Variants in FLG observed in about 807,000 individuals in gnomAD.
The protein encoded by FLG is epidermal filaggrin.
A neutral mutation model predicts 3.8 loss-of-function variants in FLG; 6 were observed. The observed-to-expected ratio is 1.60, with a 90% CI of 0.87 to 3.15. The LOEUF is 3.15. Ranked by LOEUF, FLG falls within the 30% of genes most tolerant of loss-of-function variation. The pLI, the probability that FLG is intolerant of heterozygous loss-of-function variation, is 0.00. For synonymous variants in FLG, 2,551 were observed against 1,931.6 expected, an observed-to-expected ratio of 1.32 and a Z score of -8.41; for missense variants, 7,595 against 5,050.9, an observed-to-expected ratio of 1.50 and a Z score of -15.27.
In FLG at chr1:152,308,865, G is replaced by A. The variant is rs1308865023; in HGVS notation, c.6021C>T (p.Ser2007=). The change falls in exon 3 of 3, where the codon TCC becomes TCT. Residue 2007 remains serine (S), a synonymous_variant. Transcript: ENST00000368799. ...ARSSAGERHG[S]HHQLQSADSS... ...TGTCTGCTGACTGGAGCTGGTGGTG[G>A]GATCCATGTCTTTCTCCTGCACTTG... 2.4e-5 allele frequency: 38 copies of A among 1,614,020 alleles called. No individual in the cohort carries two copies. The highest frequency in any genetic ancestry group is 3.0e-5 in the Non-Finnish European group (35 of 1,180,018).
chr1:152,304,994 G>C lies in FLG; in HGVS notation c.9892C>G (p.Pro3298Ala), dbSNP rs145794497. 1.6e-4 allele frequency: 265 copies of C among 1,613,096 alleles called. No homozygotes were observed. Among genetic ancestry groups the C allele is most frequent in the African/African-American group, 5.4e-4 (40 of 74,682 alleles). ...TGGCGGGATCCGTGTCTCTCTCCTG[G>C]ACTTGATCTTGCCTGTTCATGGGAT... is the stretch of plus-strand genomic sequence containing the variant. The part of the protein sequence containing the change: ...ASSHEQARSS[P>A]GERHGSRHQQ... Residue 3298 changes from proline to alanine, a missense_variant, in exon 3 of 3, where the codon CCA (proline) becomes GCA (alanine). Physicochemically the swap from Pro to Ala is conservative, Grantham distance 27. Transcript: ENST00000368799.
At position 152,304,911 on chromosome 1, in the gene FLG, A is replaced by T; in HGVS notation, c.9975T>A (p.Ser3325=). ...CCCAGTGTCTACTGTCTCTGACTGC[A>T]GATGAAGCTTGTCCACGCGGAATGC... The part of the protein sequence containing the change: ...HSGIPRGQAS[S]AVRDSRHWGS... Residue 3325 remains serine, a synonymous_variant, in exon 3 of 3, where the codon TCT becomes TCA. Coordinates refer to ENST00000368799, the MANE Select transcript of FLG (RefSeq NM_002016.2). 6.2e-7 allele frequency: 1 copy of T among 1,613,640 alleles called. No individual in the cohort carries two copies. The highest frequency in any genetic ancestry group is 1.7e-4 in the Middle Eastern group (1 of 6,058).
At position 152,304,188 on chromosome 1, in the gene FLG, A is replaced by T. The variant is rs767378815; in HGVS notation, c.10698T>A (p.Ser3566=). The T allele has an allele frequency of 2.5e-6, 4 of 1,610,184 alleles. No individual in the cohort carries two copies. The highest frequency in any genetic ancestry group is 1.7e-5 in the Admixed American group (1 of 59,240). The change falls in exon 3 of 3, where the codon TCT becomes TCA. Residue 3566 remains serine (S), a synonymous_variant. Coordinates refer to ENST00000368799, the MANE Select transcript of FLG (RefSeq NM_002016.2). ...SGSASRNHRG[S]AQEQSRDGSR... Reference sequence around the variant, plus strand: ...AGCCATCTCTTGACTGCTCCTGAGCAGATCCACGATGGTTTCTGGAAGCAG... The same window carrying T: ...AGCCATCTCTTGACTGCTCCTGAGCTGATCCACGATGGTTTCTGGAAGCAG...
In FLG at chr1:152,310,346, G is replaced by T. The variant is rs762000612; in HGVS notation, c.4540C>A (p.His1514Asn). 1.2e-6 allele frequency: 2 copies of T among 1,613,764 alleles called. No homozygotes were observed. The highest frequency in any genetic ancestry group is 1.7e-6 in the Non-Finnish European group (2 of 1,180,008). Residue 1514 changes from histidine to asparagine, a missense_variant, in exon 3 of 3, where the codon CAC (histidine) becomes AAC (asparagine). Transcript: ENST00000368799. ...YHEQSVDRSG[H>N]SGYHHSHTTP... ...GTGTGGCTGTGATGGTACCCTGAGT[G>T]TCCAGACCTATCTACTGATTGCTCG...
Position 152,313,279 on chromosome 1 carries a change from A to G in FLG, c.1607T>C (p.Val536Ala). ...GRQGSHHEQS[V>A]NRSGHSGSHH... ...GGAACCTGAGTGTCCAGACCTATTTACCGATTGCTCGTGGTGGGATCCCTG... is the reference window on the plus strand; with the variant it reads ...GGAACCTGAGTGTCCAGACCTATTTGCCGATTGCTCGTGGTGGGATCCCTG... The change falls in exon 3 of 3, where the codon GTA (valine) becomes GCA (alanine). Residue 536 changes from valine to alanine, a missense_variant. By Grantham distance (64) the Val-to-Ala change is moderately conservative. Transcript: ENST00000368799. 2 of 1,613,364 alleles carry G rather than the reference A, an allele frequency of 1.2e-6. No individual in the cohort carries two copies. Among genetic ancestry groups the G allele is most frequent in the Non-Finnish European group, 1.7e-6 (2 of 1,179,890 alleles).
At position 152,313,502 on chromosome 1, in the gene FLG, A is replaced by T. The variant is rs763220251; in HGVS notation, c.1384T>A (p.Ser462Thr). 7 of 1,612,210 alleles carry T rather than the reference A, an allele frequency of 4.3e-6. No individual in the cohort carries two copies. The South Asian group carries it at 7.7e-5, about 18-fold the overall frequency. The part of the protein sequence containing the change: ...ESTRGRSGER[S>T]GRSGSSLYQV... ...TAGAGGGAAGACCCTGAACGTCCAG[A>T]CCGTTCCCCTGACCGGCCACGTGTG... Residue 462 changes from serine to threonine, a missense_variant, in exon 3 of 3, where the codon TCT becomes ACT. By Grantham distance (58) the Ser-to-Thr change is moderately conservative (BLOSUM62 1). Coordinates refer to ENST00000368799, the MANE Select transcript of FLG (RefSeq NM_002016.2).
In FLG at chr1:152,312,375, A is replaced by G. The variant is rs961085366; in HGVS notation, c.2511T>C (p.Gly837=). The change falls in exon 3 of 3, where the codon GGT becomes GGC. Residue 837 remains glycine (G), a synonymous_variant. Transcript: ENST00000368799. ...DNSRHSASQD[G]QDTIRGHPGS... ...CCGGGTGTCCACGAATGGTGTCCTG[A>G]CCATCTTGGGATGCTGAGTGCCTGG... 1.9e-6 allele frequency: 3 copies of G among 1,611,698 alleles called. No individual in the cohort carries two copies. The highest frequency in any genetic ancestry group is 1.1e-5 in the South Asian group (1 of 90,928).
chr1:152,303,092 T>C lies in FLG; in HGVS notation c.11794A>G (p.Ser3932Gly), dbSNP rs140369299. Residue 3932 changes from serine (S) to glycine (G), a missense_variant, in exon 3 of 3, where the codon AGT (serine) becomes GGT (glycine). Coordinates refer to ENST00000368799, the MANE Select transcript of FLG (RefSeq NM_002016.2). ...TACGCAGAATCTTGTGAAAGACTAC[T>C]AAAGTGACCATGTTCCTTAGCGGTA... ...SSTAKEHGHF[S>G]SLSQDSAYHS... The C allele has an allele frequency of 4.4e-5, 71 of 1,614,194 alleles. No homozygotes were observed. In the African/African-American group the frequency reaches 8.1e-4, roughly 18 times the overall value.
In FLG at chr1:152,313,622, C is replaced by G. The variant is rs1652616017; in HGVS notation, c.1264G>C (p.Ala422Pro). The change falls in exon 3 of 3, where the codon GCC becomes CCC. Residue 422 changes from alanine (A) to proline (P), a missense_variant. By Grantham distance (27) the Ala-to-Pro change is conservative. Transcript: ENST00000368799. ...RGHRGSSGSQ[A>P]SDSEGHSENS... ...TCTGAATGTCCCTCACTGTCACTGG[C>G]CTGACTACCGCTAGACCCCCGGTGT... The G allele has an allele frequency of 6.2e-7, 1 of 1,613,992 alleles. No individual in the cohort carries two copies. The highest frequency in any genetic ancestry group is 2.2e-5 in the East Asian group (1 of 44,840).
rs747257595 is a variant in FLG, at chr1:152,303,913, C to T, written c.10973G>A (p.Gly3658Glu). Residue 3658 changes from glycine to glutamate, a missense_variant, in exon 3 of 3, where the codon GGG (glycine) becomes GAG (glutamate). Transcript: ENST00000368799. ...SSAVRDSGHR[G>E]SSGSQASDSE... ...GTCACTGGCCTGACTACCACTGGAC[C>T]CTCGGTGTCCACTGTCTCTGACTGC... 5.6e-6 allele frequency: 9 copies of T among 1,613,800 alleles called. No individual in the cohort carries two copies. Among genetic ancestry groups the T allele is most frequent in the South Asian group, 1.1e-5 (1 of 91,060 alleles).
rs750901386 is a variant in FLG, at chr1:152,314,250, T to C, written c.636A>G (p.Glu212=). The C allele has an allele frequency of 1.9e-6, 3 of 1,613,716 alleles. No homozygotes were observed. Among genetic ancestry groups the C allele is most frequent in the Non-Finnish European group, 2.5e-6 (3 of 1,179,886 alleles). The change falls in exon 3 of 3, where the codon GAA becomes GAG. Residue 212 remains glutamate (E), a synonymous_variant. Coordinates refer to ENST00000368799, the MANE Select transcript of FLG (RefSeq NM_002016.2). ...CTGTATTTTCATAATCATATACTCC[T>C]TCTTCATTGTCTTCTTTCTCTTCAA... The part of the protein sequence containing the change: ...ERLEEKEDNE[E]GVYDYENTGR...
Position 152,311,848 on chromosome 1 carries a change from GA to G in FLG, c.3037del (p.Ser1013ProfsTer109), listed in dbSNP as rs1355273525. 1 of 1,614,150 alleles carries G rather than the reference GA, an allele frequency of 6.2e-7. No homozygotes were observed. Among genetic ancestry groups the G allele is most frequent in the East Asian group, 2.2e-5 (1 of 44,870 alleles). Reference protein sequence around the residue: ...RQSGTPHAETSSGGQAASSHE... With the variant: ...RQSGTPHAETXSGGQAASSHE... ...GGATGACGCAGCCTGTCCACCAGAG[GA>G]AGTCTCTGCGTGAGGAGTTCCTGAT... On this transcript the variant is annotated frameshift_variant, in exon 3 of 3. Coordinates refer to ENST00000368799, the MANE Select transcript of FLG (RefSeq NM_002016.2). LOFTEE classifies it low-confidence loss of function (END_TRUNC).
At chr1:152,318,642 C>T (rs1652865016) in intron 1 of FLG, among the ~76,000 whole-genome samples, 1 of 151,838 alleles carries the variant, frequency 6.6e-6, no homozygotes, top group African/African-American at 2.4e-5. Flanking sequence ...TATCTGATGA[C>T]TTCAAAATTG....
In FLG at chr1:152,305,689, A is replaced by C; in HGVS notation, c.9197T>G (p.Val3066Gly). The C allele has an allele frequency of 7.4e-7, 1 of 1,355,790 alleles. No individual in the cohort carries two copies. Among genetic ancestry groups the C allele is most frequent in the Non-Finnish European group, 9.8e-7 (1 of 1,017,962 alleles). 84.0% of individuals were successfully genotyped at this position (1,355,790 alleles called of 1,614,324 possible). Residue 3066 changes from valine (V) to glycine (G), a missense_variant, in exon 3 of 3, where the codon GTG (valine) becomes GGG (glycine). Transcript: ENST00000368799. ...GGACTCAGACTGTTCATGAGTGCTCACCTGGTAGAGGAAAGATCCTGAATG... is the reference window on the plus strand; with the variant it reads ...GGACTCAGACTGTTCATGAGTGCTCCCCTGGTAGAGGAAAGATCCTGAATG... ...SGHSGSFLYQ[V>G]STHEQSESSH...
rs775547727 is a variant in FLG at position 152,310,400 on chromosome 1, T to G, written c.4486A>C (p.Ser1496Arg). The G allele has an allele frequency of 5.0e-6, 8 of 1,613,520 alleles. No homozygotes were observed. Among genetic ancestry groups the G allele is most frequent in the Non-Finnish European group, 6.8e-6 (8 of 1,179,902 alleles). The change falls in exon 3 of 3, where the codon AGC becomes CGC. Residue 1496 changes from serine (S) to arginine (R), a missense_variant. By Grantham distance (110) the Ser-to-Arg change is moderately radical. Coordinates refer to ENST00000368799, the MANE Select transcript of FLG (RefSeq NM_002016.2). ...QDTIRGHPGSSRGGRQGSYHE... is the reference protein window; with the variant it reads ...QDTIRGHPGSRRGGRQGSYHE... ...TAGGATCCCTGCCTTCCTCCTCTGCTTGACCCCGGGTGTCCACGAATGGTG... is the reference window on the plus strand; with the variant it reads ...TAGGATCCCTGCCTTCCTCCTCTGCGTGACCCCGGGTGTCCACGAATGGTG...
intron 1 of FLG, among the ~76,000 whole-genome samples, chr1:152,319,081 G>C (rs1467447106): frequency 1.3e-5 from 2 of 151,678 alleles, no homozygotes; most frequent in Non-Finnish European, 3.0e-5. Flanking sequence ...GACCAACTCA[G>C]TTAGAAAATT....
At position 152,310,750 on chromosome 1, in the gene FLG, G is replaced by T. The variant is rs1480615264; in HGVS notation, c.4136C>A (p.Ser1379Ter). 1 of 1,613,952 alleles carries T rather than the reference G, an allele frequency of 6.2e-7. No individual in the cohort carries two copies. The highest frequency in any genetic ancestry group is 1.3e-5 in the African/African-American group (1 of 74,874). The change falls in exon 3 of 3, where the codon TCA (serine) becomes TAA (stop). Residue 1379 changes from serine to a stop codon, truncating the protein, a stop_gained. Transcript: ENST00000368799. LOFTEE classifies it low-confidence loss of function (END_TRUNC). ...RHSGIGHRQA[S>*]SAVRDSGHRG... ...GTGTCCACTGTCTCTGACTGCAGAT[G>T]AAGCTTGTCTGTGCCCAATGCCTGA... is the stretch of plus-strand genomic sequence containing the variant.
In FLG at chr1:152,304,355, T is replaced by C; in HGVS notation, c.10531A>G (p.Thr3511Ala). The C allele has an allele frequency of 6.2e-7, 1 of 1,611,338 alleles. No individual in the cohort carries two copies. The highest frequency in any genetic ancestry group is 8.5e-7 in the Non-Finnish European group (1 of 1,178,930). ...HSWSHHHEAS[T>A]QADSSRHSQS... ...GAGTGTCTAGAGCTGTCCGCCTGAGTGGAAGCTTCATGGTGATGCGACCAT... is the reference window on the plus strand; with the variant it reads ...GAGTGTCTAGAGCTGTCCGCCTGAGCGGAAGCTTCATGGTGATGCGACCAT... Residue 3511 changes from threonine (T) to alanine (A), a missense_variant, in exon 3 of 3, where the codon ACT becomes GCT. Physicochemically the swap from Thr to Ala is moderately conservative, Grantham distance 58. Transcript: ENST00000368799.
In FLG at chr1:152,311,735, G is replaced by C. The variant is rs201961522; in HGVS notation, c.3151C>G (p.Arg1051Gly). ...ADSSRHSGIP[R>G]RQASSAVRDS... Reference sequence around the variant, plus strand: ...CTGACTGCAGATGAAGCTTGTCTGCGCGGAATGCCTGAGTGTCTGGAGCTG... The same window carrying C: ...CTGACTGCAGATGAAGCTTGTCTGCCCGGAATGCCTGAGTGTCTGGAGCTG... Residue 1051 changes from arginine to glycine, a missense_variant, in exon 3 of 3, where the codon CGC becomes GGC. Physicochemically the swap from Arg to Gly is moderately radical, Grantham distance 125. Transcript: ENST00000368799. 8 of 1,613,934 alleles carry C rather than the reference G, an allele frequency of 5.0e-6. No homozygotes were observed. Among genetic ancestry groups the C allele is most frequent in the African/African-American group, 2.7e-5 (2 of 74,846 alleles).
Sources: gnomAD v4.1 joint callset for allele counts (sites outside exome capture counted in the v4.1 genomes callset) on GRCh38, gnomAD v4.1.1 for gene constraint, MANE v1.5 for transcripts, NCBI Gene and HGNC (gene_info 2026-07-23, HGNC 2026-07-21) for gene names.